FGD6: variants seen among roughly 807,000 people sequenced by gnomAD.
FGD6 encodes FYVE, RhoGEF and PH domain containing 6.
Under a neutral mutation model 149.4 loss-of-function variants are expected in FGD6, and 90 were observed. The ratio of observed to expected loss-of-function variants is 0.60; its 90% CI spans 0.51 to 0.72. The LOEUF (loss-of-function observed/expected upper bound fraction) is 0.72. Among genes scored for constraint, FGD6 ranks in the 30% least tolerant of loss-of-function variants. The pLI is 0.00. For synonymous variants in FGD6, 527 were observed against 584.0 expected (o/e 0.90, Z 1.41); for missense variants, 1,437 against 1,684.8 (o/e 0.85, Z 2.57).
chr12:95,123,170 AG>A (rs1466397468), intron 8 of FGD6, among the ~76,000 whole-genome samples: 1 of 151,618 alleles, frequency 6.6e-6, no homozygotes, highest in African/African-American at 2.4e-5. Flanking sequence ...TGGCAAGGAA[AG>A]GATCACCTGA....
At chr12:95,146,740 T>C (rs577319056) in intron 5 of FGD6, among the ~76,000 whole-genome samples, 3 of 152,144 alleles carry the variant, frequency 2.0e-5, no homozygotes, top group Admixed American at 2.0e-4. Context: ...TTATGAAGCA[T>C]ATGATAATAT....
chr12:95,186,228 C>CTTTTTTTTT (rs1174763781), intron 2 of FGD6, among the ~76,000 whole-genome samples: 13 of 38,930 alleles, frequency 3.3e-4, no homozygotes, highest in East Asian at 1.4e-3. Context: ...TATTCTTCTT[C>CTTTTTTTTT]TTTTTTTTTT....
rs1397584697 is a variant in FGD6 at position 95,211,099 on chromosome 12, G to A, written c.185C>T (p.Ser62Leu). The A allele has an allele frequency of 9.3e-6, 15 of 1,614,090 alleles. No homozygotes were observed. Among genetic ancestry groups the A allele is most frequent in the Non-Finnish European group, 1.3e-5 (15 of 1,180,042 alleles). Reference sequence around the variant, plus strand: ...CGACTGCCCAATCTCTCGAACAGGTGAGGTCTTCAGGACTTTTGGTTTTGG... The same window carrying A: ...CGACTGCCCAATCTCTCGAACAGGTAAGGTCTTCAGGACTTTTGGTTTTGG... ...IAPKPKVLKT[S>L]PVREIGQSPS... Residue 62 changes from serine (S) to leucine (L), a missense_variant, in exon 2 of 21, where the codon TCA becomes TTA. Around this residue, in one of 2 missense-constraint regions of FGD6, gnomAD observed 1,055 missense variants for 1,146.0 expected, o/e 0.92. Coordinates refer to ENST00000343958, the MANE Select transcript of FGD6 (RefSeq NM_018351.4).
At chr12:95,191,161 C>T (rs1437563577) in intron 2 of FGD6, among the ~76,000 whole-genome samples, 2 of 152,186 alleles carry the variant, frequency 1.3e-5, no homozygotes, top group Non-Finnish European at 2.9e-5. Flanking sequence ...ACTGTCAAAA[C>T]TGCTTTTGAT....
At chr12:95,126,478 CA>C (rs1426406870) in intron 8 of FGD6, 1 of 679,538 alleles carries the variant, frequency 1.5e-6, no homozygotes, top group Non-Finnish European at 2.3e-6. Context: ...CCTGTAATCC[CA>C]GTACCGTGGG....
chr12:95,129,303 GCATGCATGCATCCATCCATC>G (rs1236370294), intron 8 of FGD6, among the ~76,000 whole-genome samples: 2 of 130,760 alleles, frequency 1.5e-5, no homozygotes, highest in South Asian at 2.6e-4. Context: ...ATCCATGCAT[GCATGCATGCATCCATCCATC>G]CATCCATCCA....
At chr12:95,083,024 T>C (rs1592822012) in intron 20 of FGD6, among the ~76,000 whole-genome samples, 2 of 79,522 alleles carry the variant, frequency 2.5e-5, no homozygotes, top group South Asian at 4.6e-4. Context: ...TATATATATA[T>C]ATATATACAC....
chr12:95,137,456 A>G (rs1258846109), intron 7 of FGD6, 66 bp downstream of exon 7: 15 of 1,327,274 alleles, frequency 1.1e-5, no homozygotes, highest in African/African-American at 6.0e-5. Context: ...AATGACTGCA[A>G]CTTGTTATTA....
chr12:95,179,435 G>A lies in FGD6; in HGVS notation c.2442-6691C>T, dbSNP rs138872242. ...TGGGAGGATCACTTGAGCCCAAGAGGTCGAGGCTGCCTTGAGCCACAATTA... is the reference window on the plus strand; with the variant it reads ...TGGGAGGATCACTTGAGCCCAAGAGATCGAGGCTGCCTTGAGCCACAATTA... On this transcript the variant is annotated intron_variant, in intron 2 of 20. Transcript: ENST00000343958. Among the ~76,000 whole-genome samples, 44 of 152,176 alleles carry A rather than the reference G, an allele frequency of 2.9e-4. 2 individuals are homozygous for A. Among genetic ancestry groups the A allele is most frequent in the African/African-American group, 1.1e-3 (44 of 41,508 alleles).
rs923243560 is a variant in FGD6 at position 95,078,582 on chromosome 12, A to T, written c.*2938T>A. ...ATCTCATTTTAAGAAATGCTACTAC[A>T]CACTCAAAGAATCAAGAATCTTGGG... On this transcript the variant is annotated 3_prime_UTR_variant, in exon 21 of 21. Coordinates refer to ENST00000343958, the MANE Select transcript of FGD6 (RefSeq NM_018351.4). 6.6e-6 allele frequency: 1 copy of T among 152,236 alleles called. No homozygotes were observed. Among genetic ancestry groups the T allele is most frequent in the Non-Finnish European group, 1.5e-5 (1 of 68,042 alleles). The allele number at this position is 152,236 out of a possible 1,614,324, so 9.4% of individuals were successfully genotyped here.
At chr12:95,081,902 C>T (rs1877687428) in intron 20 of FGD6, among the ~76,000 whole-genome samples, 2 of 151,998 alleles carry the variant, frequency 1.3e-5, no homozygotes, top group Admixed American at 1.3e-4. Context: ...GGACTCCCGA[C>T]CTCATGTGAT....
At chr12:95,162,081 T>C (rs1178966758) in intron 3 of FGD6, among the ~76,000 whole-genome samples, 3 of 120,080 alleles carry the variant, frequency 2.5e-5, no homozygotes, top group African/African-American at 3.3e-5. Flanking sequence ...AAGGACAACA[T>C]AGTGACACCT....
At chr12:95,093,824 G>A (rs145515471) in intron 15 of FGD6, among the ~76,000 whole-genome samples, 1,602 of 151,440 alleles carry the variant, frequency 0.011, 24 homozygotes, top group African/African-American at 0.037. Context: ...ACTCCAGCCT[G>A]GCGACAGAGC....
chr12:95,100,302 G>C (rs991479903), intron 14 of FGD6, among the ~76,000 whole-genome samples: 12 of 152,148 alleles, frequency 7.9e-5, no homozygotes, highest in African/African-American at 2.7e-4. Flanking sequence ...GTTGATAGCA[G>C]ACAATCGCCT....
chr12:95,146,976 A>G (rs1880037194), intron 5 of FGD6, among the ~76,000 whole-genome samples: 1 of 152,148 alleles, frequency 6.6e-6, no homozygotes. Flanking sequence ...TCCAGCACCA[A>G]TGAGGGGTAT....
intron 8 of FGD6, among the ~76,000 whole-genome samples, chr12:95,120,522 AC>A (rs1879157569): frequency 6.6e-6 from 1 of 151,836 alleles, no homozygotes; most frequent in Non-Finnish European, 1.5e-5. Flanking sequence ...CCCTGTCTCT[AC>A]TAAAAATACA....
At chr12:95,087,169 A>G (rs1877907942) in intron 18 of FGD6, among the ~76,000 whole-genome samples, 1 of 152,124 alleles carries the variant, frequency 6.6e-6, no homozygotes, top group Non-Finnish European at 1.5e-5. Flanking sequence ...TGTGTTCTTA[A>G]AAATGTAGGA....
chr12:95,180,372 A>ATT (rs5800188), intron 2 of FGD6, among the ~76,000 whole-genome samples: 1 of 112,358 alleles, frequency 8.9e-6, no homozygotes. Context: ...TAAAAGACAG[A>ATT]TTTTTTTTTT....
At chr12:95,119,896 G>A (rs1879136834) in intron 8 of FGD6, among the ~76,000 whole-genome samples, 1 of 151,976 alleles carries the variant, frequency 6.6e-6, no homozygotes, top group Non-Finnish European at 1.5e-5. Flanking sequence ...CTCCAGCCTG[G>A]GTGACAGAGC....
Sources: gnomAD v4.1 joint callset for allele counts (sites outside exome capture counted in the v4.1 genomes callset) on GRCh38, gnomAD v4.1.1 for gene constraint, gnomAD v4.1.1 regional missense constraint, MANE v1.5 for transcripts, NCBI Gene and HGNC (gene_info 2026-07-23, HGNC 2026-07-21) for gene names.